PRIM2: variants seen among roughly 807,000 people sequenced by gnomAD.
PRIM2 encodes DNA primase subunit 2, also known as DNA primase large subunit.
PRIM2 carries 39 observed loss-of-function variants against 67.3 expected under a neutral mutation model. That is an observed-to-expected ratio of 0.58 (90% confidence interval 0.45 to 0.76). The LOEUF (loss-of-function observed/expected upper bound fraction) is 0.76, where lower values mean the gene tolerates loss of function less well. Among genes scored for constraint, PRIM2 ranks in the 30% least tolerant of loss-of-function variants. The probability of loss-of-function intolerance (pLI) is 0.00; values close to 1 mark genes in which losing one functional copy is unlikely to be tolerated. For synonymous variants in PRIM2, 143 were observed against 198.7 expected (o/e 0.72, Z 2.36); for missense variants, 398 against 598.7 (o/e 0.66, Z 3.50).
chr6:57,261,027 A>G, the PRIM2 span, among the ~76,000 whole-genome samples: 6 of 152,230 alleles, frequency 3.9e-5, no homozygotes, highest in Admixed American at 3.3e-4. Context: ...GACAGATTCA[A>G]TGGAAGTTTT....
chr6:57,490,257 G>T (rs1237757016), intron 7 of PRIM2, among the ~76,000 whole-genome samples: 2 of 152,172 alleles, frequency 1.3e-5, no homozygotes, highest in African/African-American at 4.8e-5. Context: ...TTTCCTGGTG[G>T]TAGGCAGCAA....
At chr6:57,242,934 T>A in the PRIM2 span, among the ~76,000 whole-genome samples, 2 of 152,214 alleles carry the variant, frequency 1.3e-5, no homozygotes, top group Admixed American at 1.3e-4. Flanking sequence ...CTTTTGTGAA[T>A]TTCACAGATG....
chr6:57,632,061 C>T (rs1255728834), intron 12 of PRIM2, 72 bp from the exon 13 acceptor site: 213,879 of 1,264,682 alleles, frequency 0.17, 255 homozygotes, highest in African/African-American at 0.24. Flanking sequence ...AGGCCAACAA[C>T]TGTGAGCTAC....
At chr6:57,314,333 G>T (rs1349758025), upstream of PRIM2, among the ~76,000 whole-genome samples, 2 of 152,128 alleles carry the variant, frequency 1.3e-5, no homozygotes, top group Non-Finnish European at 1.5e-5. Flanking sequence ...TGGCCAACGT[G>T]GTGAAACCCC....
chr6:57,630,659 C>A (rs1367170464), intron 12 of PRIM2, among the ~76,000 whole-genome samples: 6 of 151,394 alleles, frequency 4.0e-5, no homozygotes, highest in Non-Finnish European at 8.8e-5. Context: ...ATTTCTTCTT[C>A]AGGTAATTTA....
At chr6:57,454,234 C>T (rs12212259) in intron 7 of PRIM2, among the ~76,000 whole-genome samples, 2,017 of 152,040 alleles carry the variant, frequency 0.013, 42 homozygotes, top group African/African-American at 0.046. Context: ...TCAGGGATAT[C>T]GGTCTAAAAT....
chr6:57,468,511 T>G (rs1408432542), intron 7 of PRIM2, among the ~76,000 whole-genome samples: 1 of 152,318 alleles, frequency 6.6e-6, no homozygotes, highest in East Asian at 1.9e-4. Flanking sequence ...GTTTTTGATG[T>G]GCTGCTGGAT....
At chr6:57,261,920 T>G in the PRIM2 span, among the ~76,000 whole-genome samples, 1 of 152,222 alleles carries the variant, frequency 6.6e-6, no homozygotes, top group Admixed American at 6.5e-5. Context: ...CAACATCCCT[T>G]GCTAATTCCC....
chr6:57,429,137 C>T (rs1382271898), intron 7 of PRIM2, among the ~76,000 whole-genome samples: 1 of 152,180 alleles, frequency 6.6e-6, no homozygotes, highest in Non-Finnish European at 1.5e-5. Context: ...TATTTAAACT[C>T]TTGTGCAAGA....
intron 5 of PRIM2, among the ~76,000 whole-genome samples, chr6:57,351,879 T>TA (rs1768868155): frequency 6.6e-6 from 1 of 152,132 alleles, no homozygotes; most frequent in Non-Finnish European, 1.5e-5. Flanking sequence ...AAATTAATCT[T>TA]ATAGTAGATT....
chr6:57,387,169 C>T (rs1581852801), intron 7 of PRIM2, among the ~76,000 whole-genome samples: 2 of 152,130 alleles, frequency 1.3e-5, no homozygotes, highest in Admixed American at 6.6e-5. Context: ...AAATTATTCT[C>T]ATTATGTGTT....
intron 3 of PRIM2, among the ~76,000 whole-genome samples, chr6:57,323,071 T>G (rs1274038966): frequency 6.7e-6 from 1 of 149,146 alleles, no homozygotes; most frequent in Non-Finnish European, 1.5e-5. Flanking sequence ...TAGTAGTGCC[T>G]CCCTCATAGG....
chr6:57,636,579 A>G (rs1777126448), intron 13 of PRIM2, among the ~76,000 whole-genome samples: 1 of 152,232 alleles, frequency 6.6e-6, no homozygotes, highest in African/African-American at 2.4e-5. Flanking sequence ...TTTGCTATCA[A>G]GCAACTTAGT....
chr6:57,643,969 A>G (rs1331719991), intron 13 of PRIM2, among the ~76,000 whole-genome samples: 1 of 152,222 alleles, frequency 6.6e-6, no homozygotes, highest in Non-Finnish European at 1.5e-5. Context: ...TGGTCCGTCC[A>G]CCAGTAGGGT....
intron 12 of PRIM2, among the ~76,000 whole-genome samples, chr6:57,619,603 C>G (rs1776815595): frequency 6.6e-6 from 1 of 152,036 alleles, no homozygotes; most frequent in Non-Finnish European, 1.5e-5. Context: ...TTTGGATACA[C>G]TTTTAGAAAT....
At chr6:57,444,991 A>C (rs556194904) in intron 7 of PRIM2, among the ~76,000 whole-genome samples, 2 of 151,634 alleles carry the variant, frequency 1.3e-5, no homozygotes, top group South Asian at 4.1e-4. Flanking sequence ...CTGAAATGAC[A>C]ATTTCTTAAG....
intron 7 of PRIM2, among the ~76,000 whole-genome samples, chr6:57,458,868 A>T (rs1469400468): frequency 2.0e-5 from 3 of 152,240 alleles, no homozygotes; most frequent in African/African-American, 4.8e-5. Context: ...TTGTAGTCTT[A>T]ACCAGGTGAC....
At chr6:57,377,968 A>T (rs1769825008) in intron 5 of PRIM2, among the ~76,000 whole-genome samples, 1 of 151,954 alleles carries the variant, frequency 6.6e-6, no homozygotes, top group African/African-American at 2.4e-5. Context: ...CATTTCTTAG[A>T]TTCTACAAAC....
At chr6:57,447,618 T>G (rs1300521826) in intron 7 of PRIM2, among the ~76,000 whole-genome samples, 2 of 152,122 alleles carry the variant, frequency 1.3e-5, no homozygotes, top group Non-Finnish European at 2.9e-5. Context: ...AGCATAGAAA[T>G]AAACTTGACT....
Sources: gnomAD v4.1 joint callset for allele counts (sites outside exome capture counted in the v4.1 genomes callset) on GRCh38, gnomAD v4.1.1 for gene constraint, MANE v1.5 for transcripts, NCBI Gene and HGNC (gene_info 2026-07-23, HGNC 2026-07-21) for gene names.